RAB3GAP1: variants seen among roughly 807,000 people sequenced by gnomAD.
RAB3GAP1 encodes the protein rab3 GTPase-activating protein catalytic subunit.
RAB3GAP1 carries 86 observed loss-of-function variants against 130.7 expected under a neutral mutation model. That is an observed-to-expected ratio of 0.66 (90% CI 0.55 to 0.79). RAB3GAP1 has a LOEUF of 0.79. Ranked by LOEUF, RAB3GAP1 falls within the 30% of genes least tolerant of loss-of-function variation. RAB3GAP1 has a pLI of 0.00. For synonymous variants in RAB3GAP1, 367 were observed against 401.7 expected (o/e 0.91, Z 1.03); for missense variants, 1,029 against 1,169.4 (o/e 0.88, Z 1.75).
intron 19 of RAB3GAP1, among the ~76,000 whole-genome samples, chr2:135,160,482 G>A (rs933007122): frequency 6.6e-6 from 1 of 151,884 alleles, no homozygotes; most frequent in African/African-American, 2.4e-5. Context: ...GACCAGCCTG[G>A]CCAACATAGT....
In RAB3GAP1 at chr2:135,115,331, A is replaced by C; in HGVS notation, c.598A>C (p.Asn200His). 2 of 1,613,870 alleles carry C rather than the reference A, an allele frequency of 1.2e-6. No homozygotes were observed. Among genetic ancestry groups the C allele is most frequent in the Non-Finnish European group, 1.7e-6 (2 of 1,179,792 alleles). Residue 200 changes from asparagine (N) to histidine (H), a missense_variant, in exon 7 of 24, where the codon AAT becomes CAT. Physicochemically the swap from Asn to His is moderately conservative, Grantham distance 68. Coordinates refer to ENST00000264158, the MANE Select transcript of RAB3GAP1 (RefSeq NM_012233.3). The part of the protein sequence containing the change: ...FEMVHLRKVP[N>H]QYTHLSGLLD... ...AATGGTTCATCTTAGAAAAGTGCCA[A>C]ATCAGTACACTCACTTATCAGGTCT...
intron 5 of RAB3GAP1, among the ~76,000 whole-genome samples, chr2:135,098,972 A>G (rs1456127425): frequency 6.6e-6 from 1 of 152,136 alleles, no homozygotes; most frequent in Non-Finnish European, 1.5e-5. Flanking sequence ...GTCTCTGAAT[A>G]TGGATAGTAT....
intron 3 of RAB3GAP1, among the ~76,000 whole-genome samples, chr2:135,075,355 A>G (rs1215603547): frequency 3.9e-5 from 6 of 152,214 alleles, no homozygotes; most frequent in Admixed American, 1.3e-4. Flanking sequence ...CCATTCATCT[A>G]CTTTTCAGAA....
At position 135,157,620 on chromosome 2, in the gene RAB3GAP1, T is replaced by C. The variant is rs149621667; in HGVS notation, c.2289+3744T>C. Among the ~76,000 whole-genome samples the C allele has an allele frequency of 1.0e-2, 1,513 of 151,696 alleles. 21 individuals carry two copies. The highest frequency in any genetic ancestry group is 0.035 in the African/African-American group (1,440 of 41,382). On this transcript the variant is annotated intron_variant, in intron 19 of 23. Transcript: ENST00000264158. ...GAGGCCGAGGCAAGATCACCTGAGG[T>C]CAGGAGTTCGAGACCAGCCTGACTA...
intron 3 of RAB3GAP1, among the ~76,000 whole-genome samples, chr2:135,064,755 G>GTTTTTTTTT (rs746093269): frequency 8.6e-5 from 9 of 104,934 alleles, no homozygotes; most frequent in Non-Finnish European, 1.5e-4. Flanking sequence ...GAGGTGTTTT[G>GTTTTTTTTT]TTTTTTTTTT....
At chr2:135,113,551 A>G (rs1326172327) in intron 6 of RAB3GAP1, among the ~76,000 whole-genome samples, 1 of 152,180 alleles carries the variant, frequency 6.6e-6, no homozygotes, top group Admixed American at 6.5e-5. Flanking sequence ...GGTTCAGTCA[A>G]TCACAGGGCA....
intron 3 of RAB3GAP1, among the ~76,000 whole-genome samples, chr2:135,069,905 G>A (rs914442510): frequency 6.6e-6 from 1 of 152,114 alleles, no homozygotes; most frequent in Non-Finnish European, 1.5e-5. Context: ...ATTTTTATCT[G>A]AGGAATGGGA....
intron 5 of RAB3GAP1, among the ~76,000 whole-genome samples, chr2:135,106,020 G>A (rs1487090987): frequency 6.6e-6 from 1 of 151,612 alleles, no homozygotes; most frequent in African/African-American, 2.4e-5. Context: ...GAGAAGTGAG[G>A]AGCCCCTCCG....
In RAB3GAP1 at chr2:135,052,324, A is replaced by G. The variant is rs1247634536; in HGVS notation, c.17A>G (p.Glu6Gly). 6.2e-7 allele frequency: 1 copy of G among 1,613,834 alleles called. No homozygotes were observed. The highest frequency in any genetic ancestry group is 8.5e-7 in the Non-Finnish European group (1 of 1,180,028). MAADS[E>G]PESEVFEITD... ...CTCCTCAAGATGGCTGCCGACAGTG[A>G]GGTGATTTCTTTGCTCCCTACTTAA... The change falls in exon 1 of 24, where the codon GAG (glutamate) becomes GGG (glycine). Residue 6 changes from glutamate (E) to glycine (G), a missense_variant and splice_region_variant. Physicochemically the swap from Glu to Gly is moderately conservative, Grantham distance 98 (BLOSUM62 -2). This residue lies in a region of RAB3GAP1 where 510 missense variants were observed against 532.1 expected (regional missense o/e 0.96). Coordinates refer to ENST00000264158, the MANE Select transcript of RAB3GAP1 (RefSeq NM_012233.3).
chr2:135,122,733 G>GT (rs1360330986), intron 8 of RAB3GAP1, among the ~76,000 whole-genome samples: 1 of 151,628 alleles, frequency 6.6e-6, no homozygotes, highest in Non-Finnish European at 1.5e-5. Flanking sequence ...GTTTTGTTTT[G>GT]TTTTTTGAGA....
chr2:135,110,695 T>C (rs903321297), intron 5 of RAB3GAP1, among the ~76,000 whole-genome samples: 1 of 152,160 alleles, frequency 6.6e-6, no homozygotes, highest in Admixed American at 6.5e-5. Flanking sequence ...CACTAGAAAT[T>C]TATTATAGAG....
At position 135,109,209 on chromosome 2, in the gene RAB3GAP1, C is replaced by T. The variant is rs373616187; in HGVS notation, c.363-3942C>T. Among the ~76,000 whole-genome samples the T allele has an allele frequency of 8.2e-4, 125 of 151,996 alleles. 3 individuals are homozygous for T. In the South Asian group the frequency reaches 0.022, roughly 27 times the overall value. ...TAAACTCAGTTTGTGGATATCCTCACGATAACTTGCTGAGATTTTGATTGA... is the reference window on the plus strand; with the variant it reads ...TAAACTCAGTTTGTGGATATCCTCATGATAACTTGCTGAGATTTTGATTGA... On this transcript the variant is annotated intron_variant, in intron 5 of 23. Coordinates refer to ENST00000264158, the MANE Select transcript of RAB3GAP1 (RefSeq NM_012233.3).
At chr2:135,122,921 G>A (rs1479688004) in intron 8 of RAB3GAP1, among the ~76,000 whole-genome samples, 1 of 152,030 alleles carries the variant, frequency 6.6e-6, no homozygotes, top group Non-Finnish European at 1.5e-5. Context: ...TAGATATGGG[G>A]TTTCACCATG....
rs1382801264 is a variant in RAB3GAP1 at position 135,112,830 on chromosome 2, TCTCTCACA to T, written c.363-319_363-312del. 0.012 allele frequency among the ~76,000 whole-genome samples: 1,558 copies of T among 127,762 alleles called. 28 individuals are homozygous for T. Among genetic ancestry groups the T allele is most frequent in the African/African-American group, 0.055 (1,475 of 26,824 alleles). The allele number at this position is 127,762 out of a possible 152,430, so 83.8% of individuals were successfully genotyped here. ...AACTGTCAAAGTCTCTCTCTCTCTCTCTCTCACACACACACACACACACACACACACAC... is the reference window on the plus strand; with the variant it reads ...AACTGTCAAAGTCTCTCTCTCTCTCTCACACACACACACACACACACACAC... On this transcript the variant is annotated intron_variant, in intron 5 of 23. Transcript: ENST00000264158.
chr2:135,162,463 AGAT>A (rs1338923857), intron 19 of RAB3GAP1, 89 bp from the exon 20 acceptor site: 1 of 942,860 alleles, frequency 1.1e-6, no homozygotes, highest in Non-Finnish European at 1.7e-6. Flanking sequence ...TTAAGGATTA[AGAT>A]GAGTGGCTGA....
chr2:135,105,245 C>T (rs1281079242), intron 5 of RAB3GAP1, among the ~76,000 whole-genome samples: 10 of 129,818 alleles, frequency 7.7e-5, no homozygotes, highest in Non-Finnish European at 1.2e-4. Context: ...CCCCCCTTCC[C>T]CCTCCCCCTC....
At chr2:135,079,191 G>T (rs1042502607) in intron 3 of RAB3GAP1, among the ~76,000 whole-genome samples, 1 of 152,072 alleles carries the variant, frequency 6.6e-6, no homozygotes, top group Non-Finnish European at 1.5e-5. Context: ...TCACCATGTT[G>T]TCCAGGATGG....
intron 8 of RAB3GAP1, among the ~76,000 whole-genome samples, chr2:135,123,854 C>CA (rs912597107): frequency 6.6e-6 from 1 of 151,580 alleles, no homozygotes; most frequent in Non-Finnish European, 1.5e-5. Context: ...TTTAAAAATG[C>CA]AAAAAAATGT....
chr2:135,123,065 C>T (rs1691248301), intron 8 of RAB3GAP1, among the ~76,000 whole-genome samples: 1 of 152,136 alleles, frequency 6.6e-6, no homozygotes. Flanking sequence ...ATGTAAGTTT[C>T]TTAACCCATG....
Sources: allele counts gnomAD v4.1 joint callset (sites outside exome capture counted in the v4.1 genomes callset), GRCh38; gene constraint gnomAD v4.1.1; regional missense constraint gnomAD v4.1.1; transcripts MANE v1.5; gene names NCBI Gene and HGNC (gene_info 2026-07-23, HGNC 2026-07-21).